Variants in RANBP17 observed in about 807,000 individuals in gnomAD.
RANBP17 encodes RAN binding protein 17.
RANBP17 carries 158 observed loss-of-function variants against 141.2 expected under a neutral mutation model. The observed-to-expected ratio is 1.12, with a 90% confidence interval of 0.98 to 1.28. The LOEUF (loss-of-function observed/expected upper bound fraction) is 1.28. Ranked by LOEUF, RANBP17 falls within the 50% of genes most tolerant of loss-of-function variation. The pLI, the probability that RANBP17 is intolerant of heterozygous loss-of-function variation, is 0.00. For synonymous variants in RANBP17, 430 were observed against 450.0 expected, an observed-to-expected ratio of 0.96 and a Z score of 0.56; for missense variants, 1,438 against 1,290.7, an observed-to-expected ratio of 1.11 and a Z score of -1.75.
intron 14 of RANBP17, among the ~76,000 whole-genome samples, chr5:171,146,155 G>A (rs1049861429): frequency 6.6e-5 from 10 of 152,150 alleles, no homozygotes; most frequent in Admixed American, 2.0e-4. Context: ...ATCCTCTAAG[G>A]TAACAAATAA....
rs754246557 is a variant in RANBP17 at position 170,916,532 on chromosome 5, A to G, written c.902A>G (p.Lys301Arg). The stretch of plus-strand genomic sequence containing the variant: ...TTATTTAACAGTCCTGAACGTGCCA[A>G]GTACCTTGGTAATTTAATTAAGGGA... ...RSLFNSPERAKYLGNLIKGVK... is the reference protein window; with the variant it reads ...RSLFNSPERARYLGNLIKGVK... The change falls in exon 9 of 28, where the codon AAG (lysine) becomes AGG (arginine). Residue 301 changes from lysine (K) to arginine (R), a missense_variant. Transcript: ENST00000523189. 6.3e-7 allele frequency: 1 copy of G among 1,588,008 alleles called. No homozygotes were observed. Among genetic ancestry groups the G allele is most frequent in the South Asian group, 1.2e-5 (1 of 86,652 alleles).
chr5:171,126,988 G>A (rs1402002358), intron 14 of RANBP17, among the ~76,000 whole-genome samples: 1 of 152,114 alleles, frequency 6.6e-6, no homozygotes, highest in African/African-American at 2.4e-5. Context: ...TATAAGGTCG[G>A]CAATACCTTG....
chr5:170,909,575 T>G, intron 5 of RANBP17, 86 bp from the exon 6 acceptor site: 2 of 637,676 alleles, frequency 3.1e-6, no homozygotes, highest in Admixed American at 3.5e-5. Context: ...TCAAGTTTAT[T>G]TCCTTTTTTT....
intron 14 of RANBP17, among the ~76,000 whole-genome samples, chr5:171,124,442 C>T (rs908778665): frequency 3.3e-5 from 5 of 152,006 alleles, no homozygotes; most frequent in South Asian, 2.1e-4. Context: ...ACCTATTTAA[C>T]GAAATACTAG....
At chr5:170,867,353 AATAC>A in intron 1 of RANBP17, among the ~76,000 whole-genome samples, 1 of 152,318 alleles carries the variant, frequency 6.6e-6, no homozygotes, top group East Asian at 1.9e-4. Context: ...ATATACTGAA[AATAC>A]ATACTTCACA....
intron 14 of RANBP17, among the ~76,000 whole-genome samples, chr5:171,166,869 A>C (rs761268240): frequency 1.3e-5 from 2 of 152,208 alleles, no homozygotes; most frequent in Non-Finnish European, 2.9e-5. Flanking sequence ...GCTCTTAATG[A>C]GCTTTTCAAT....
chr5:171,081,610 G>T (rs892559282), intron 14 of RANBP17, among the ~76,000 whole-genome samples: 5 of 152,028 alleles, frequency 3.3e-5, no homozygotes, highest in African/African-American at 9.7e-5. Flanking sequence ...TTTATTTTGT[G>T]ATTTGGAAAT....
At position 171,130,059 on chromosome 5, in the gene RANBP17, C is replaced by T. The variant is rs558380559; in HGVS notation, c.1711-40071C>T. On this transcript the variant is annotated intron_variant, in intron 14 of 27. Coordinates refer to ENST00000523189, the MANE Select transcript of RANBP17 (RefSeq NM_022897.5). ...AAAATCAATCATGGTCTGTGGTGTA[C>T]ATGTTAAGGGAAGGACTTAAATTCA... 3.9e-5 allele frequency among the ~76,000 whole-genome samples: 6 copies of T among 152,280 alleles called. No homozygotes were observed. The South Asian group carries it at 1.2e-3, about 32-fold the overall frequency.
intron 14 of RANBP17, among the ~76,000 whole-genome samples, chr5:170,979,465 T>G (rs984317160): frequency 1.3e-5 from 2 of 152,150 alleles, no homozygotes; most frequent in African/African-American, 4.8e-5. Context: ...GAGAATGATA[T>G]GGTCTGGCTG....
chr5:170,873,956 T>C (rs1385166961), intron 1 of RANBP17, among the ~76,000 whole-genome samples: 1 of 152,198 alleles, frequency 6.6e-6, no homozygotes, highest in African/African-American at 2.4e-5. Flanking sequence ...TTTGAGATCT[T>C]TCTAACTTTC....
chr5:171,029,047 C>T, intron 14 of RANBP17: 8 of 696,442 alleles, frequency 1.1e-5, no homozygotes, highest in Non-Finnish European at 1.6e-5. Flanking sequence ...GTAAGTCATA[C>T]TCAGGCATGA....
intron 19 of RANBP17, among the ~76,000 whole-genome samples, chr5:171,202,450 T>G (rs1762350219): frequency 6.6e-6 from 1 of 152,202 alleles, no homozygotes; most frequent in Admixed American, 6.5e-5. Context: ...CCTGCTATCT[T>G]TAGTCCTTTT....
chr5:171,115,608 G>A (rs767169479), intron 14 of RANBP17, among the ~76,000 whole-genome samples: 5 of 152,054 alleles, frequency 3.3e-5, no homozygotes, highest in African/African-American at 7.2e-5. Flanking sequence ...TGAACTGATC[G>A]CAGTTTAAAT....
At chr5:171,282,871 C>T (rs2128038052) in intron 25 of RANBP17, among the ~76,000 whole-genome samples, 1 of 152,250 alleles carries the variant, frequency 6.6e-6, no homozygotes, top group South Asian at 2.1e-4. Flanking sequence ...AGTTCACTAC[C>T]ACATCACTGC....
chr5:171,218,627 G>A (rs556669391), intron 21 of RANBP17, among the ~76,000 whole-genome samples: 11 of 152,100 alleles, frequency 7.2e-5, no homozygotes, highest in East Asian at 1.9e-4. Flanking sequence ...AGCTCTTCAC[G>A]TTGCATTGAT....
At chr5:171,269,752 T>C (rs1380143431) in intron 25 of RANBP17, among the ~76,000 whole-genome samples, 2 of 152,218 alleles carry the variant, frequency 1.3e-5, no homozygotes, top group African/African-American at 4.8e-5. Context: ...CAGAAGGTAA[T>C]GAACAAGGTT....
chr5:171,291,975 T>C (rs1463857193), intron 25 of RANBP17, among the ~76,000 whole-genome samples: 4 of 152,238 alleles, frequency 2.6e-5, no homozygotes, highest in Non-Finnish European at 5.9e-5. Flanking sequence ...TTCAAGATGC[T>C]TTTTCAGTTA....
chr5:171,138,289 G>A (rs994671059), intron 14 of RANBP17, among the ~76,000 whole-genome samples: 2 of 152,084 alleles, frequency 1.3e-5, no homozygotes, highest in South Asian at 2.1e-4. Context: ...CAACCAAATA[G>A]CCAGAAATGT....
intron 14 of RANBP17, among the ~76,000 whole-genome samples, chr5:171,067,328 C>T (rs902293103): frequency 1.3e-5 from 2 of 152,148 alleles, no homozygotes; most frequent in African/African-American, 4.8e-5. Flanking sequence ...CCACAAATTA[C>T]ATCTGTATAC....
Sources: allele counts gnomAD v4.1 joint callset (sites outside exome capture counted in the v4.1 genomes callset), GRCh38; gene constraint gnomAD v4.1.1; transcripts MANE v1.5; gene names NCBI Gene and HGNC (gene_info 2026-07-23, HGNC 2026-07-21).